CNPY1: variants seen among roughly 807,000 people sequenced by gnomAD.
The protein encoded by CNPY1 is protein canopy homolog 1.
In CNPY1, 14 loss-of-function variants were observed where a neutral mutation model predicts 14.4. The observed-to-expected ratio is 0.97, with a 90% CI of 0.64 to 1.52. The LOEUF is 1.52. Ranked by LOEUF, CNPY1 falls within the 40% of genes most tolerant of loss-of-function variation. The pLI, the probability that CNPY1 is intolerant of heterozygous loss-of-function variation, is 0.00. For synonymous variants in CNPY1, 43 were observed against 46.5 expected, an observed-to-expected ratio of 0.92 and a Z score of 0.31; for missense variants, 129 against 131.5, an observed-to-expected ratio of 0.98 and a Z score of 0.09.
At chr7:155,507,915 T>C (rs1463715443) in intron 3 of CNPY1, among the ~76,000 whole-genome samples, 1 of 152,236 alleles carries the variant, frequency 6.6e-6, no homozygotes, top group Non-Finnish European at 1.5e-5. Flanking sequence ...TAAAAATGTT[T>C]AATGGCATTT....
chr7:155,507,875 A>G (rs1372750853), intron 3 of CNPY1, among the ~76,000 whole-genome samples: 1 of 152,224 alleles, frequency 6.6e-6, no homozygotes, highest in Non-Finnish European at 1.5e-5. Flanking sequence ...AGACTTGTAA[A>G]TCATTTTCTG....
chr7:155,509,557 A>AGC (rs1298204454), intron 2 of CNPY1, among the ~76,000 whole-genome samples: 1 of 151,930 alleles, frequency 6.6e-6, no homozygotes, highest in African/African-American at 2.4e-5. Flanking sequence ...CGAGAGAGAG[A>AGC]GCGCGCGCTC....
At chr7:155,515,543 A>G (rs10233924) in intron 2 of CNPY1, among the ~76,000 whole-genome samples, 100,406 of 152,026 alleles carry the variant, frequency 0.66, 33,687 homozygotes, top group South Asian at 0.79. Context: ...GATGCCCGAC[A>G]TGACCCCCTG....
At chr7:155,543,128 C>T (rs1003295170) in intron 2 of CNPY1, among the ~76,000 whole-genome samples, 5 of 152,192 alleles carry the variant, frequency 3.3e-5, no homozygotes, top group African/African-American at 9.6e-5. Flanking sequence ...GCCTGTGTTT[C>T]TTTCCAGCCT....
At chr7:155,535,704 C>T (rs573036262) in intron 2 of CNPY1, among the ~76,000 whole-genome samples, 18 of 152,260 alleles carry the variant, frequency 1.2e-4, no homozygotes, top group Non-Finnish European at 2.2e-4. Flanking sequence ...CTACCTTCCA[C>T]GGGGCTGCAG....
chr7:155,545,804 A>C (rs1797150381), intron 2 of CNPY1, 27 bp downstream of exon 2: 1 of 398,452 alleles, frequency 2.5e-6, no homozygotes, highest in Non-Finnish European at 4.4e-6. Flanking sequence ...GCAATTATAC[A>C]CTGGCACATA....
chr7:155,504,811 C>T (rs1027616835), intron 4 of CNPY1, among the ~76,000 whole-genome samples: 13 of 152,076 alleles, frequency 8.5e-5, no homozygotes, highest in Admixed American at 5.2e-4. Context: ...AAAAGTATCG[C>T]CTTCACAAAG....
intron 2 of CNPY1, among the ~76,000 whole-genome samples, chr7:155,539,356 T>C (rs1797058579): frequency 1.3e-5 from 2 of 152,250 alleles, no homozygotes; most frequent in South Asian, 4.1e-4. Flanking sequence ...TTTCCTTTTC[T>C]ATAAGATGTA....
At chr7:155,532,836 C>A (rs1293820152) in intron 2 of CNPY1, among the ~76,000 whole-genome samples, 1 of 152,020 alleles carries the variant, frequency 6.6e-6, no homozygotes, top group Non-Finnish European at 1.5e-5. Flanking sequence ...ACACACAGAC[C>A]GAACTTGTGT....
rs1796431134 is a variant in CNPY1 at position 155,509,064 on chromosome 7, C to T, written c.133G>A (p.Asp45Asn). The T allele has an allele frequency of 6.2e-7, 1 of 1,604,510 alleles. No homozygotes were observed. Among genetic ancestry groups the T allele is most frequent in the Non-Finnish European group, 8.5e-7 (1 of 1,177,190 alleles). The change falls in exon 3 of 5, where the codon GAT becomes AAT. Residue 45 changes from aspartate to asparagine, a missense_variant. Physicochemically the swap from Asp to Asn is conservative, Grantham distance 23. Transcript: ENST00000636446. ...PLAQSEAFLT[D>N]LLEKVCERMN... ...CGCTCACAGACTTTCTCCAAAAGAT[C>T]CGTTAGGAACGCCTCCGACTGAGCT...
intron 4 of CNPY1, among the ~76,000 whole-genome samples, chr7:155,505,905 C>A (rs868654978): frequency 1.3e-5 from 2 of 152,148 alleles, no homozygotes; most frequent in Non-Finnish European, 2.9e-5. Flanking sequence ...CTTTTGCAAG[C>A]TTCATTAAAA....
At chr7:155,516,546 G>A (rs938408815) in intron 2 of CNPY1, among the ~76,000 whole-genome samples, 4 of 150,704 alleles carry the variant, frequency 2.7e-5, no homozygotes, top group South Asian at 2.1e-4. Context: ...ACCAGGAGAC[G>A]CGGTGTCCTC....
chr7:155,536,316 A>C lies in CNPY1; in HGVS notation c.99+9515T>G, dbSNP rs7805356. ...TATTTCTGCAGTACTGGGAGGTTAG[A>C]AAGCCTACGGGCCGCTCTGTGCTTG... On this transcript the variant is annotated intron_variant, in intron 2 of 4. Transcript: ENST00000636446. The surrounding 1 kb of genome is among the most constrained non-coding windows in gnomAD (Gnocchi z 4.1). Among the ~76,000 whole-genome samples, 142,772 of 152,128 alleles carry C rather than the reference A, an allele frequency of 0.94. 66,996 individuals are homozygous for C. The highest frequency in any genetic ancestry group is 1 in the East Asian group (5,154 of 5,156).
chr7:155,510,107 C>G (rs1182571504), intron 2 of CNPY1, among the ~76,000 whole-genome samples: 2 of 152,232 alleles, frequency 1.3e-5, no homozygotes, highest in African/African-American at 4.8e-5. Context: ...CAAATGAACT[C>G]GATTTCTGCA....
intron 3 of CNPY1, 68 bp downstream of exon 3, chr7:155,508,826 A>G: frequency 6.5e-7 from 1 of 1,528,288 alleles, no homozygotes; most frequent in Non-Finnish European, 9.0e-7. Context: ...AGAGTAGAAA[A>G]CAACAAAAAA....
chr7:155,520,666 T>C (rs550238344), intron 2 of CNPY1, among the ~76,000 whole-genome samples: 120 of 152,248 alleles, frequency 7.9e-4, no homozygotes, highest in Middle Eastern at 3.4e-3. Context: ...TGTGAGATAA[T>C]TTTGTTCCAT....
chr7:155,528,616 G>A (rs145676802), intron 2 of CNPY1, among the ~76,000 whole-genome samples: 2 of 152,338 alleles, frequency 1.3e-5, no homozygotes, highest in Non-Finnish European at 1.5e-5. Flanking sequence ...CAAGGCTGTG[G>A]CTCTCCAGGG....
intron 2 of CNPY1, among the ~76,000 whole-genome samples, chr7:155,529,776 C>T (rs1585327165): frequency 6.8e-6 from 1 of 146,428 alleles, no homozygotes; most frequent in Non-Finnish European, 1.5e-5. Context: ...AGTTTCTTTT[C>T]TTTTTTTTTT....
chr7:155,530,294 G>A (rs1378623641), intron 2 of CNPY1, among the ~76,000 whole-genome samples: 1 of 70,808 alleles, frequency 1.4e-5, no homozygotes, highest in East Asian at 5.1e-4. Flanking sequence ...CACCAGCAGG[G>A]TCTTTTTTTT....
Sources: allele counts gnomAD v4.1 joint callset (sites outside exome capture counted in the v4.1 genomes callset), GRCh38; gene constraint gnomAD v4.1.1; non-coding constraint Gnocchi (gnomAD v3.1); transcripts MANE v1.5; gene names NCBI Gene and HGNC (gene_info 2026-07-23, HGNC 2026-07-21).